GUCY2C: variants seen among roughly 807,000 people sequenced by gnomAD.
The protein encoded by GUCY2C is guanylyl cyclase C.
GUCY2C carries 118 observed loss-of-function variants against 131.1 expected under a neutral mutation model. The observed-to-expected ratio is 0.90, with a 90% CI of 0.78 to 1.05. The LOEUF is 1.05. Ranked by LOEUF, GUCY2C falls within the 50% of genes least tolerant of loss-of-function variation. The pLI is 0.00. For missense variants in GUCY2C, 1,161 were observed against 1,304.4 expected (o/e 0.89, Z 1.69); for synonymous variants, 452 against 457.8 (o/e 0.99, Z 0.16).
In GUCY2C at chr12:14,641,077, T is replaced by A; in HGVS notation, c.2068+5A>T. The stretch of plus-strand genomic sequence containing the variant: ...GAGGGGACACATGAATGGGTTTAGA[T>A]GTACCATTCCGGTCCCGACAGCTCA... On this transcript the variant is annotated splice_donor_5th_base_variant and intron_variant, in intron 18 of 26. Coordinates refer to ENST00000261170, the MANE Select transcript of GUCY2C (RefSeq NM_004963.4). The A allele has an allele frequency of 6.2e-7, 1 of 1,613,124 alleles. No homozygotes were observed. Among genetic ancestry groups the A allele is most frequent in the Non-Finnish European group, 8.5e-7 (1 of 1,179,726 alleles).
intron 14 of GUCY2C, 53 bp downstream of exon 14, chr12:14,651,906 A>T: frequency 1.1e-6 from 1 of 949,878 alleles, no homozygotes; most frequent in Non-Finnish European, 1.7e-6. Flanking sequence ...CTCAGTGATT[A>T]GAGGAAATGA....
Position 14,669,774 on chromosome 12 carries a change from G to T in GUCY2C, c.1230C>A (p.Ser410Arg). The T allele has an allele frequency of 6.2e-7, 1 of 1,606,844 alleles. No homozygotes were observed. The highest frequency in any genetic ancestry group is 8.5e-7 in the Non-Finnish European group (1 of 1,174,266). The change falls in exon 10 of 27, where the codon AGC becomes AGA. Residue 410 changes from serine (S) to arginine (R), a missense_variant. Physicochemically the swap from Ser to Arg is moderately radical, Grantham distance 110 (BLOSUM62 -1). Coordinates refer to ENST00000261170, the MANE Select transcript of GUCY2C (RefSeq NM_004963.4). ...TAGAGTTCTTCCAAGTGAATGTGGG[G>T]CTCATATCCACAGGATAGGTCTTAT... ...HVNKTYPVDMSPTFTWKNSKL... is the reference protein window; with the variant it reads ...HVNKTYPVDMRPTFTWKNSKL...
intron 11 of GUCY2C, among the ~76,000 whole-genome samples, chr12:14,657,428 CAA>C (rs1243916638): frequency 6.6e-6 from 1 of 151,738 alleles, no homozygotes; most frequent in East Asian, 1.9e-4. Flanking sequence ...ATCTCAACTA[CAA>C]AATGTTAAAA....
At chr12:14,627,780 A>T (rs1334500153) in intron 20 of GUCY2C, among the ~76,000 whole-genome samples, 1 of 152,164 alleles carries the variant, frequency 6.6e-6, no homozygotes. Context: ...AGAAAAAAAA[A>T]GGGCTAGAAT....
At position 14,622,161 on chromosome 12, in the gene GUCY2C, C is replaced by T; in HGVS notation, c.2445G>A (p.Val815=). 2 of 1,582,068 alleles carry T rather than the reference C, an allele frequency of 1.3e-6. No individual in the cohort carries two copies. Among genetic ancestry groups the T allele is most frequent in the East Asian group, 2.4e-5 (1 of 42,420 alleles). ...VVKSLKEKGF[V]EPELYEEVTI... ...TAACTTCCTCATATAGTTCCGGCTC[C>T]ACAAAGCCTTTCTCCTTCAGAGACT... The change falls in exon 22 of 27, where the codon GTG becomes GTA. Residue 815 remains valine, a synonymous_variant. Transcript: ENST00000261170.
rs538598538 is a variant in GUCY2C at position 14,615,785 on chromosome 12, G to A, written c.2971-842C>T. 4.6e-5 allele frequency among the ~76,000 whole-genome samples: 7 copies of A among 152,154 alleles called. No individual in the cohort carries two copies. The South Asian group carries it at 1.4e-3, about 32-fold the overall frequency. The stretch of plus-strand genomic sequence containing the variant: ...AATGTACTTATGGAGGACTCAAAAA[G>A]CAAGTGTGATGTTAGGACACTTTTA... On this transcript the variant is annotated intron_variant, in intron 25 of 26. Coordinates refer to ENST00000261170, the MANE Select transcript of GUCY2C (RefSeq NM_004963.4).
intron 20 of GUCY2C, among the ~76,000 whole-genome samples, chr12:14,626,191 T>C (rs1947011534): frequency 6.6e-6 from 1 of 151,908 alleles, no homozygotes; most frequent in South Asian, 2.1e-4. Context: ...AATACAGAAA[T>C]TAGCCGGGCA....
chr12:14,690,803 A>G (rs534496743), intron 1 of GUCY2C, among the ~76,000 whole-genome samples: 1 of 152,294 alleles, frequency 6.6e-6, no homozygotes, highest in East Asian at 1.9e-4. Context: ...GGCCTCCCAA[A>G]GTGCTGGGAT....
chr12:14,625,267 G>C (rs938124363), intron 21 of GUCY2C, among the ~76,000 whole-genome samples: 26 of 152,212 alleles, frequency 1.7e-4, no homozygotes, highest in African/African-American at 6.3e-4. Flanking sequence ...TTCACTGGGT[G>C]ACCTTCAGAA....
chr12:14,630,361 G>A (rs546193133), intron 19 of GUCY2C, among the ~76,000 whole-genome samples: 1 of 152,196 alleles, frequency 6.6e-6, no homozygotes, highest in African/African-American at 2.4e-5. Context: ...AAACTGGGCC[G>A]ATCCTGTGCC....
At chr12:14,680,696 G>A (rs1158372279) in intron 5 of GUCY2C, among the ~76,000 whole-genome samples, 4 of 152,098 alleles carry the variant, frequency 2.6e-5, no homozygotes, top group Admixed American at 6.6e-5. Context: ...AGATTTTTGC[G>A]GGAACAGGTG....
At chr12:14,677,407 G>A (rs1459393462) in intron 6 of GUCY2C, among the ~76,000 whole-genome samples, 2 of 152,046 alleles carry the variant, frequency 1.3e-5, no homozygotes, top group African/African-American at 2.4e-5. Flanking sequence ...AAGACTAAAC[G>A]TCTTCTCTAA....
chr12:14,651,473 G>A lies in GUCY2C; in HGVS notation c.1644C>T (p.Tyr548=), dbSNP rs1014355033. ...QIDYYNLTKF[Y]GTVKLDTMIF... ...TCATGGTATCAAGTTTCACTGTGCCGTAGAACTTGGTCAGGTTGTAATAGT... is the reference window on the plus strand; with the variant it reads ...TCATGGTATCAAGTTTCACTGTGCCATAGAACTTGGTCAGGTTGTAATAGT... Residue 548 remains tyrosine (Y), a synonymous_variant, in exon 15 of 27, where the codon TAC becomes TAT. Coordinates refer to ENST00000261170, the MANE Select transcript of GUCY2C (RefSeq NM_004963.4). The A allele has an allele frequency of 5.6e-6, 9 of 1,607,710 alleles. No homozygotes were observed. The highest frequency in any genetic ancestry group is 2.7e-5 in the African/African-American group (2 of 74,780).
chr12:14,639,100 C>G (rs949911518), intron 19 of GUCY2C, among the ~76,000 whole-genome samples: 1 of 152,038 alleles, frequency 6.6e-6, no homozygotes, highest in Non-Finnish European at 1.5e-5. Flanking sequence ...GAGATCGAGA[C>G]CAGCCTGGCC....
chr12:14,692,793 G>A (rs1241509313), intron 1 of GUCY2C, among the ~76,000 whole-genome samples: 1 of 152,134 alleles, frequency 6.6e-6, no homozygotes, highest in Non-Finnish European at 1.5e-5. Context: ...AGGTTGTGGT[G>A]AACTGAGATC....
intron 15 of GUCY2C, among the ~76,000 whole-genome samples, chr12:14,648,435 T>A (rs1947570816): frequency 6.6e-6 from 1 of 152,094 alleles, no homozygotes; most frequent in East Asian, 1.9e-4. Flanking sequence ...GAAAAGACTC[T>A]ACAGAAACCT....
At chr12:14,684,563 CCCTTCCTTCCTTCCTTCCTT>C (rs1216238965) in intron 3 of GUCY2C, among the ~76,000 whole-genome samples, 7 of 121,180 alleles carry the variant, frequency 5.8e-5, no homozygotes, top group African/African-American at 2.2e-4. Context: ...TTCTTTCTTT[CCCTTCCTTCCTTCCTTCCTT>C]CCTTCCTTCC....
In GUCY2C at chr12:14,616,741, T is replaced by C. The variant is rs767269214; in HGVS notation, c.2876-14A>G. On this transcript the variant is annotated splice_polypyrimidine_tract_variant and intron_variant, in intron 24 of 26. Coordinates refer to ENST00000261170, the MANE Select transcript of GUCY2C (RefSeq NM_004963.4). ...GAATTCTCAAAGCTGGAAATGCAAA[T>C]TGACAAATAAAAATCCCAGCTAGTA... 2.6e-6 allele frequency: 4 copies of C among 1,526,382 alleles called. No homozygotes were observed. The highest frequency in any genetic ancestry group is 1.4e-5 in the African/African-American group (1 of 73,270). The allele number at this position is 1,526,382 out of a possible 1,614,324, so 94.6% of individuals were successfully genotyped here.
intron 1 of GUCY2C, among the ~76,000 whole-genome samples, chr12:14,691,030 A>G (rs1437468627): frequency 6.6e-6 from 1 of 152,260 alleles, no homozygotes; most frequent in Non-Finnish European, 1.5e-5. Context: ...GCACCTTTAA[A>G]AGAGCAAAGC....
Sources: gnomAD v4.1 joint callset for allele counts (sites outside exome capture counted in the v4.1 genomes callset) on GRCh38, gnomAD v4.1.1 for gene constraint, MANE v1.5 for transcripts, NCBI Gene and HGNC (gene_info 2026-07-23, HGNC 2026-07-21) for gene names.